The following ITGB3BP variants were observed in gnomAD, a reference collection of about 807,000 sequenced individuals.
ITGB3BP encodes the protein integrin subunit beta 3 binding protein.
In ITGB3BP, 27 loss-of-function variants were observed where a neutral mutation model predicts 29.1. The ratio of observed to expected loss-of-function variants is 0.93; its 90% CI spans 0.68 to 1.28. The LOEUF (loss-of-function observed/expected upper bound fraction) is 1.28. Ranked by LOEUF, ITGB3BP falls within the 50% of genes most tolerant of loss-of-function variation. ITGB3BP has a pLI of 0.00. For missense variants in ITGB3BP, 192 were observed against 200.2 expected, an observed-to-expected ratio of 0.96 and a Z score of 0.25; for synonymous variants, 61 against 61.4, an observed-to-expected ratio of 0.99 and a Z score of 0.03.
intron 3 of ITGB3BP, among the ~76,000 whole-genome samples, chr1:63,482,293 A>AAAT (rs1645452147): frequency 2.0e-5 from 3 of 148,986 alleles, no homozygotes; most frequent in Non-Finnish European, 3.0e-5. Flanking sequence ...AAAAAAAAAA[A>AAAT]GATTAATGTA....
At chr1:63,441,953 G>A (rs1644735667) in intron 8 of ITGB3BP, among the ~76,000 whole-genome samples, 1 of 149,096 alleles carries the variant, frequency 6.7e-6, no homozygotes, top group African/African-American at 2.6e-5. Flanking sequence ...GACCTAATAA[G>A]GCTGGGGGTG....
At chr1:63,456,429 A>G (rs1644937832) in intron 4 of ITGB3BP, among the ~76,000 whole-genome samples, 1 of 152,120 alleles carries the variant, frequency 6.6e-6, no homozygotes, top group South Asian at 2.1e-4. Flanking sequence ...TCAGTTTGAG[A>G]GATGGTATCA....
chr1:63,468,985 A>G (rs1645147890), intron 4 of ITGB3BP, among the ~76,000 whole-genome samples: 1 of 151,672 alleles, frequency 6.6e-6, no homozygotes. Context: ...AGGGAGGTGG[A>G]GGTTGCAGTG....
intron 7 of ITGB3BP, among the ~76,000 whole-genome samples, chr1:63,450,991 C>A (rs1051941727): frequency 2.0e-5 from 3 of 151,868 alleles, no homozygotes; most frequent in Non-Finnish European, 4.4e-5. Context: ...TTATTTAAAA[C>A]ACTAGAGTGT....
chr1:63,470,796 A>C (rs1300250269), intron 4 of ITGB3BP, among the ~76,000 whole-genome samples: 1 of 152,210 alleles, frequency 6.6e-6, no homozygotes, highest in East Asian at 1.9e-4. Flanking sequence ...CTGTGCCATA[A>C]GGTATGCATA....
intron 1 of ITGB3BP, among the ~76,000 whole-genome samples, chr1:63,515,348 A>C (rs1478351715): frequency 6.6e-6 from 1 of 151,984 alleles, no homozygotes; most frequent in Non-Finnish European, 1.5e-5. Context: ...CTATTTCTCT[A>C]TATGCCCAAA....
chr1:63,487,661 T>C (rs181014443), intron 3 of ITGB3BP, among the ~76,000 whole-genome samples: 6 of 152,186 alleles, frequency 3.9e-5, no homozygotes, highest in African/African-American at 1.4e-4. Flanking sequence ...TATCTAAACA[T>C]ATCTAAACAT....
upstream of ITGB3BP, among the ~76,000 whole-genome samples, chr1:63,526,858 G>A (rs1236160023): frequency 6.6e-6 from 1 of 151,986 alleles, no homozygotes; most frequent in African/African-American, 2.4e-5. Flanking sequence ...TCTGCCTCCT[G>A]GGTTCCAGCG....
At chr1:63,523,547 A>C (rs560093137), upstream of ITGB3BP, 7 of 258,386 alleles carry the variant, frequency 2.7e-5, no homozygotes, top group African/African-American at 8.9e-5. Flanking sequence ...GATTAGAGAA[A>C]GGCCGAGATC....
chr1:63,454,395 T>C lies in ITGB3BP; in HGVS notation c.412A>G (p.Lys138Glu). ...ASHFLKREMQKTKELMTKVNK... is the reference protein window; with the variant it reads ...ASHFLKREMQETKELMTKVNK... ...AAATTCTTACTTAGTTCTTTGGTTT[T>C]CTGCATTTCTCTTTTTAAGAAATGT... The change falls in exon 6 of 9, where the codon AAA becomes GAA. Residue 138 changes from lysine (K) to glutamate (E), a missense_variant. Physicochemically the swap from Lys to Glu is moderately conservative, Grantham distance 56. Coordinates refer to ENST00000271002, the MANE Select transcript of ITGB3BP (RefSeq NM_014288.5). This position sits in a 1 kb window ranked among gnomAD's most constrained non-coding sequence, Gnocchi z 4.1. 1.3e-6 allele frequency: 2 copies of C among 1,581,076 alleles called. No individual in the cohort carries two copies. Among genetic ancestry groups the C allele is most frequent in the South Asian group, 2.3e-5 (2 of 88,668 alleles).
chr1:63,472,879 C>T (rs1241651527), intron 4 of ITGB3BP, among the ~76,000 whole-genome samples: 6 of 152,240 alleles, frequency 3.9e-5, no homozygotes, highest in Non-Finnish European at 8.8e-5. Context: ...GAGATTGCAG[C>T]CTCTGCCCAG....
chr1:63,449,790 C>A (rs1570119799), intron 7 of ITGB3BP: 2 of 154,492 alleles, frequency 1.3e-5, no homozygotes, highest in African/African-American at 4.8e-5. Flanking sequence ...AAACTTCAAA[C>A]CTCAGTGCTT....
chr1:63,470,331 G>A (rs181801035), intron 4 of ITGB3BP, among the ~76,000 whole-genome samples: 1 of 152,278 alleles, frequency 6.6e-6, no homozygotes, highest in East Asian at 1.9e-4. Context: ...GAGAGTTTGG[G>A]AGTCTATTAG....
intron 1 of ITGB3BP, chr1:63,510,002 A>T (rs1646163232): frequency 2.2e-6 from 1 of 463,632 alleles, no homozygotes. Context: ...AGACCAGCCT[A>T]ACATGGTGAA....
At chr1:63,525,493 C>T, upstream of ITGB3BP, 5 of 1,146,140 alleles carry the variant, frequency 4.4e-6, no homozygotes, top group East Asian at 2.8e-5. Flanking sequence ...ATTCTCCTCC[C>T]TGTATTTGAA....
intron 4 of ITGB3BP, among the ~76,000 whole-genome samples, chr1:63,471,625 G>A (rs995974399): frequency 2.6e-5 from 4 of 152,114 alleles, no homozygotes; most frequent in African/African-American, 9.7e-5. Flanking sequence ...TGCATGGTGT[G>A]AGGGTAAGGG....
intron 2 of ITGB3BP, among the ~76,000 whole-genome samples, chr1:63,501,396 A>G (rs1038971596): frequency 1.5e-5 from 2 of 129,634 alleles, no homozygotes; most frequent in Admixed American, 7.5e-5. Context: ...CATTTATATG[A>G]AATGGTCAGA....
chr1:63,472,620 G>A (rs542683398), intron 4 of ITGB3BP, among the ~76,000 whole-genome samples: 7 of 149,908 alleles, frequency 4.7e-5, no homozygotes, highest in Non-Finnish European at 7.4e-5. Context: ...GCAGGCGCGC[G>A]CCGCCACGCC....
intron 4 of ITGB3BP, among the ~76,000 whole-genome samples, chr1:63,465,315 C>A (rs978631343): frequency 6.6e-6 from 1 of 151,974 alleles, no homozygotes; most frequent in African/African-American, 2.4e-5. Context: ...AATATTCTTG[C>A]AAATTTTCTG....
Sources: gnomAD v4.1 joint callset for allele counts (sites outside exome capture counted in the v4.1 genomes callset) on GRCh38, gnomAD v4.1.1 for gene constraint, Gnocchi (gnomAD v3.1) non-coding constraint, MANE v1.5 for transcripts, NCBI Gene and HGNC (gene_info 2026-07-23, HGNC 2026-07-21) for gene names.